KCTD15: variants seen among roughly 807,000 people sequenced by gnomAD.
KCTD15 encodes the protein BTB/POZ domain-containing protein KCTD15.
Under a neutral mutation model 27.2 loss-of-function variants are expected in KCTD15, and 11 were observed. That is an observed-to-expected ratio of 0.41 (90% CI 0.25 to 0.67). KCTD15 has a LOEUF of 0.67. Among genes scored for constraint, KCTD15 ranks in the 30% least tolerant of loss-of-function variants. The pLI is 0.35. For synonymous variants in KCTD15, 163 were observed against 176.0 expected (o/e 0.93, Z 0.58); for missense variants, 350 against 409.3 (o/e 0.86, Z 1.25).
rs1271278589 is a variant in KCTD15, at chr19:33,815,439, A to T, written c.*2491A>T. ...TTTTTACACTTCCTGGAATGAGTATATTATCAGCAATCTTTTGTCAAATGC... is the reference window on the plus strand; with the variant it reads ...TTTTTACACTTCCTGGAATGAGTATTTTATCAGCAATCTTTTGTCAAATGC... On this transcript the variant is annotated 3_prime_UTR_variant, in exon 7 of 7. Coordinates refer to ENST00000683859, the MANE Select transcript of KCTD15 (RefSeq NM_001129994.2). The T allele has an allele frequency of 6.6e-6, 1 of 152,234 alleles. No individual in the cohort carries two copies. Among genetic ancestry groups the T allele is most frequent in the Non-Finnish European group, 1.5e-5 (1 of 68,052 alleles). The allele number at this position is 152,234 out of a possible 1,614,324, so 9.4% of individuals were successfully genotyped here.
intron 1 of KCTD15, among the ~76,000 whole-genome samples, chr19:33,798,021 C>T (rs1292508662): frequency 6.6e-6 from 1 of 152,136 alleles, no homozygotes; most frequent in Admixed American, 6.5e-5. Flanking sequence ...CGCCTCCAGC[C>T]TTGGCCCAAG....
chr19:33,806,340 G>A (rs919516454), intron 4 of KCTD15, among the ~76,000 whole-genome samples: 8 of 152,218 alleles, frequency 5.3e-5, no homozygotes, highest in Non-Finnish European at 8.8e-5. Context: ...AAGGGACCAT[G>A]TGACCCTGTG....
chr19:33,806,133 T>C (rs1975705066), intron 4 of KCTD15, among the ~76,000 whole-genome samples: 1 of 152,234 alleles, frequency 6.6e-6, no homozygotes, highest in African/African-American at 2.4e-5. Flanking sequence ...GTGGCATGTG[T>C]GCAAGGGCCC....
intron 4 of KCTD15, among the ~76,000 whole-genome samples, chr19:33,805,218 A>G (rs931177744): frequency 3.3e-5 from 5 of 152,132 alleles, no homozygotes; most frequent in Non-Finnish European, 5.9e-5. Context: ...CACGGTGCCC[A>G]GCTAAACCGT....
At chr19:33,805,910 G>C (rs966172975) in intron 4 of KCTD15, among the ~76,000 whole-genome samples, 5 of 152,228 alleles carry the variant, frequency 3.3e-5, no homozygotes, top group African/African-American at 1.2e-4. Flanking sequence ...ACAGGGACAG[G>C]CATCAGGGGC....
Position 33,813,675 on chromosome 19 carries a change from G to A in KCTD15, c.*727G>A. The A allele has an allele frequency of 3.4e-6, 1 of 291,204 alleles. No homozygotes were observed. Among genetic ancestry groups the A allele is most frequent in the Non-Finnish European group, 6.8e-6 (1 of 147,834 alleles). 18.0% of individuals were successfully genotyped at this position (291,204 alleles called of 1,614,324 possible). A position where few individuals can be genotyped will look rare whatever the true frequency, so the allele number is the denominator to read the frequency against. ...CACTCCCCGGGTCACCTGACCTGCT[G>A]CCCAGGGGCTTCCAGTCCTGTCTGT... is the stretch of plus-strand genomic sequence containing the variant. On this transcript the variant is annotated 3_prime_UTR_variant, in exon 7 of 7. Coordinates refer to ENST00000683859, the MANE Select transcript of KCTD15 (RefSeq NM_001129994.2).
intron 4 of KCTD15, among the ~76,000 whole-genome samples, chr19:33,805,606 T>C (rs1423807883): frequency 6.6e-6 from 1 of 152,224 alleles, no homozygotes; most frequent in African/African-American, 2.4e-5. Context: ...TTGGAGCTAC[T>C]GTTCTCCCAG....
intron 3 of KCTD15, 74 bp from the exon 4 acceptor site, chr19:33,801,093 G>A (rs943506536): frequency 8.7e-6 from 12 of 1,371,594 alleles, no homozygotes; most frequent in East Asian, 2.3e-5. Flanking sequence ...TAAAGGGAGT[G>A]CATGGCTGTG....
At chr19:33,799,805 G>A (rs1975468908) in intron 2 of KCTD15, 1 of 152,936 alleles carries the variant, frequency 6.5e-6, no homozygotes, top group Admixed American at 6.5e-5. Context: ...GTACAGACTA[G>A]GCAAACAAAG....
At chr19:33,800,322 A>T (rs533608440) in intron 2 of KCTD15, 106 bp from the exon 3 acceptor site, 2 of 883,962 alleles carry the variant, frequency 2.3e-6, no homozygotes, top group South Asian at 3.0e-5. Flanking sequence ...TGGACCTCGC[A>T]GGGTCTCAGA....
Position 33,813,580 on chromosome 19 carries a change from G to C in KCTD15, c.*632G>C, listed in dbSNP as rs999380479. ...GGGCTGCTGGGAGGAGAGTGGTGGGGGCCTGAGGGCTGAGTGATTCTGTAA... is the reference window on the plus strand; with the variant it reads ...GGGCTGCTGGGAGGAGAGTGGTGGGCGCCTGAGGGCTGAGTGATTCTGTAA... On this transcript the variant is annotated 3_prime_UTR_variant, in exon 7 of 7. Coordinates refer to ENST00000683859, the MANE Select transcript of KCTD15 (RefSeq NM_001129994.2). 3 of 352,958 alleles carry C rather than the reference G, an allele frequency of 8.5e-6. No individual in the cohort carries two copies. The highest frequency in any genetic ancestry group is 1.7e-5 in the Non-Finnish European group (3 of 179,816). The allele number at this position is 352,958 out of a possible 1,614,324, so 21.9% of individuals were successfully genotyped here. A position where few individuals can be genotyped will look rare whatever the true frequency, so the allele number is the denominator to read the frequency against.
chr19:33,809,554 C>T (rs374979152), intron 5 of KCTD15, among the ~76,000 whole-genome samples: 54 of 152,076 alleles, frequency 3.6e-4, no homozygotes, highest in Non-Finnish European at 5.3e-4. Flanking sequence ...ATGGGGTTGT[C>T]TGTCATGCAG....
chr19:33,801,745 C>G (rs1975557202), intron 4 of KCTD15: 1 of 164,844 alleles, frequency 6.1e-6, no homozygotes, highest in African/African-American at 2.4e-5. Flanking sequence ...GTAGGTAAGT[C>G]TTGGGGGCAT....
rs1003981520 is a variant in KCTD15, at chr19:33,798,734, C to G, written c.-60C>G. On this transcript the variant is annotated 5_prime_UTR_variant, in exon 2 of 7. Coordinates refer to ENST00000683859, the MANE Select transcript of KCTD15 (RefSeq NM_001129994.2). ...CTTGTTGGGAGAAACCTTGGAGATT[C>G]ACGGCAAGGCGTAAAGCCTGGGGCT... 2.0e-5 allele frequency: 3 copies of G among 152,664 alleles called. No homozygotes were observed. Among genetic ancestry groups the G allele is most frequent in the African/African-American group, 7.2e-5 (3 of 41,452 alleles). 9.5% of individuals were successfully genotyped at this position (152,664 alleles called of 1,614,324 possible).
intron 4 of KCTD15, among the ~76,000 whole-genome samples, chr19:33,804,515 T>C (rs1251731429): frequency 2.0e-5 from 3 of 151,740 alleles, no homozygotes; most frequent in Non-Finnish European, 2.9e-5. Context: ...CCCAGGAGGC[T>C]GAGGGTTTGG....
Position 33,800,500 on chromosome 19 carries a change from C to T in KCTD15, c.46C>T (p.His16Tyr), listed in dbSNP as rs750084126. Residue 16 changes from histidine to tyrosine, a missense_variant, in exon 3 of 7, where the codon CAC (histidine) becomes TAC (tyrosine). Around this residue, in one of 3 missense-constraint regions of KCTD15, gnomAD observed 77 missense variants for 72.7 expected, o/e 1.06. Transcript: ENST00000683859. ...ERPSGSSLHT[H>Y]GSTGTAEGGN... The stretch of plus-strand genomic sequence containing the variant: ...GCCGAGCGGGTCCTCGCTTCACACA[C>T]ACGGCAGCACCGGCACCGCGGTGAG... The T allele has an allele frequency of 1.9e-6, 3 of 1,602,406 alleles. No individual in the cohort carries two copies. The highest frequency in any genetic ancestry group is 2.7e-5 in the African/African-American group (2 of 74,840).
chr19:33,812,582 G>A (rs1377185628), intron 6 of KCTD15: 1 of 1,279,822 alleles, frequency 7.8e-7, no homozygotes, highest in Non-Finnish European at 9.8e-7. Context: ...CTAACCTGAG[G>A]GGTCACTGGG....
chr19:33,808,049 G>A (rs1482460017), intron 5 of KCTD15, among the ~76,000 whole-genome samples: 1 of 152,248 alleles, frequency 6.6e-6, no homozygotes, highest in African/African-American at 2.4e-5. Context: ...CCAGGTCTCC[G>A]GGTGAGCCCG....
chr19:33,812,028 G>A (rs1204050931), intron 6 of KCTD15: 53 of 1,428,062 alleles, frequency 3.7e-5, no homozygotes, highest in Non-Finnish European at 4.6e-5. Flanking sequence ...GAATTGGACA[G>A]CTCAGATGGA....
Sources: gnomAD v4.1 joint callset for allele counts (sites outside exome capture counted in the v4.1 genomes callset) on GRCh38, gnomAD v4.1.1 for gene constraint, gnomAD v4.1.1 regional missense constraint, MANE v1.5 for transcripts, NCBI Gene and HGNC (gene_info 2026-07-23, HGNC 2026-07-21) for gene names.